Variants in RABGAP1L observed in about 807,000 individuals in gnomAD.
RABGAP1L encodes the protein RAB GTPase activating protein 1 like.
Under a neutral mutation model 137.7 loss-of-function variants are expected in RABGAP1L, and 63 were observed. The observed-to-expected ratio is 0.46, with a 90% CI of 0.37 to 0.56. The LOEUF is 0.56. RABGAP1L is among the 20% of genes least tolerant of loss of function. The probability of loss-of-function intolerance (pLI) is 0.00; values close to 1 mark genes in which losing one functional copy is unlikely to be tolerated. For synonymous variants in RABGAP1L, 431 were observed against 433.7 expected (o/e 0.99, Z 0.08); for missense variants, 1,095 against 1,244.0 (o/e 0.88, Z 1.80).
At chr1:174,946,980 G>GTATATA (rs1553291102) in intron 19 of RABGAP1L, among the ~76,000 whole-genome samples, 36 of 78,206 alleles carry the variant, frequency 4.6e-4, no homozygotes, top group Middle Eastern at 6.3e-3. Flanking sequence ...GTGTGTGTGT[G>GTATATA]TATATATATG....
At chr1:174,280,257 G>A (rs955101612) in intron 10 of RABGAP1L, among the ~76,000 whole-genome samples, 1 of 152,054 alleles carries the variant, frequency 6.6e-6, no homozygotes, top group Admixed American at 6.5e-5. Flanking sequence ...TGGAGATGTT[G>A]GTCTACACTA....
intron 13 of RABGAP1L, among the ~76,000 whole-genome samples, chr1:174,402,979 G>C (rs1476930747): frequency 6.6e-6 from 1 of 152,140 alleles, no homozygotes; most frequent in East Asian, 1.9e-4. Flanking sequence ...TATCATATCT[G>C]CTGGTTTATA....
chr1:174,422,144 C>T (rs1382775970), intron 13 of RABGAP1L, among the ~76,000 whole-genome samples: 1 of 152,172 alleles, frequency 6.6e-6, no homozygotes, highest in Non-Finnish European at 1.5e-5. Context: ...GGTACCCGTA[C>T]TTAGAAAGAT....
chr1:174,642,125 A>T (rs962222007), intron 14 of RABGAP1L, among the ~76,000 whole-genome samples: 1 of 152,150 alleles, frequency 6.6e-6, no homozygotes. Context: ...ATTTGTGCAT[A>T]TTGCTTTTTC....
chr1:174,511,228 T>G (rs1457345408), intron 13 of RABGAP1L, among the ~76,000 whole-genome samples: 1 of 152,162 alleles, frequency 6.6e-6, no homozygotes, highest in Non-Finnish European at 1.5e-5. Context: ...AATGTGTCTA[T>G]AAGGTACATA....
intron 11 of RABGAP1L, among the ~76,000 whole-genome samples, chr1:174,360,109 T>C (rs975419577): frequency 4.6e-5 from 7 of 152,208 alleles, no homozygotes; most frequent in African/African-American, 1.7e-4. Context: ...CTAATATCCT[T>C]TTGTAGTGGA....
chr1:174,612,724 C>G (rs576975518), intron 13 of RABGAP1L, among the ~76,000 whole-genome samples: 4,580 of 152,306 alleles, frequency 0.03, 117 homozygotes, highest in Middle Eastern at 0.092. Context: ...ATTATTGCCA[C>G]AATTTCAGAG....
chr1:174,564,739 C>T (rs1180326157), intron 13 of RABGAP1L, among the ~76,000 whole-genome samples: 1 of 152,106 alleles, frequency 6.6e-6, no homozygotes, highest in African/African-American at 2.4e-5. Context: ...GAGATGTCAA[C>T]TTCAGAGATG....
intron 18 of RABGAP1L, among the ~76,000 whole-genome samples, chr1:174,807,883 G>A (rs1689462255): frequency 6.6e-6 from 1 of 151,814 alleles, no homozygotes; most frequent in African/African-American, 2.4e-5. Context: ...GACTGCTTAA[G>A]GCCAGGAGTT....
chr1:174,345,471 T>C (rs1682351177), intron 11 of RABGAP1L, among the ~76,000 whole-genome samples: 2 of 152,184 alleles, frequency 1.3e-5, no homozygotes, highest in Non-Finnish European at 1.5e-5. Flanking sequence ...CTTTCATCAG[T>C]ATTTTATAGT....
intron 13 of RABGAP1L, among the ~76,000 whole-genome samples, chr1:174,486,243 T>C (rs1179147999): frequency 2.1e-5 from 3 of 144,432 alleles, no homozygotes; most frequent in Non-Finnish European, 4.5e-5. Flanking sequence ...TTTTTTTGTC[T>C]GGCTAAATGT....
chr1:174,917,130 G>A (rs1447390876), intron 19 of RABGAP1L, among the ~76,000 whole-genome samples: 2 of 152,060 alleles, frequency 1.3e-5, no homozygotes, highest in Non-Finnish European at 2.9e-5. Flanking sequence ...CCACCCTCAT[G>A]ACTTTATCAA....
At chr1:174,237,499 G>A (rs377374471) in intron 4 of RABGAP1L, among the ~76,000 whole-genome samples, 1 of 67,804 alleles carries the variant, frequency 1.5e-5, no homozygotes, top group Non-Finnish European at 2.9e-5. Context: ...TTGCTTGTCT[G>A]TAAAGTATTT....
intron 12 of RABGAP1L, among the ~76,000 whole-genome samples, chr1:174,382,967 C>T (rs372043285): frequency 0.19 from 28,268 of 145,664 alleles, 2,714 homozygotes; most frequent in Admixed American, 0.23. Context: ...GATGGGTTTT[C>T]GGTGTGGATG....
chr1:174,363,159 G>A (rs1684292719), intron 11 of RABGAP1L, among the ~76,000 whole-genome samples: 1 of 152,146 alleles, frequency 6.6e-6, no homozygotes, highest in Non-Finnish European at 1.5e-5. Context: ...TCTTATATCA[G>A]TGCCATGCTG....
At chr1:174,635,998 T>G (rs1231243378) in intron 13 of RABGAP1L, among the ~76,000 whole-genome samples, 2 of 152,210 alleles carry the variant, frequency 1.3e-5, no homozygotes, top group African/African-American at 4.8e-5. Flanking sequence ...AAATAAGACA[T>G]TAAGCAATTC....
chr1:174,635,616 T>C (rs1029301355), intron 13 of RABGAP1L, among the ~76,000 whole-genome samples: 3 of 151,014 alleles, frequency 2.0e-5, no homozygotes, highest in Admixed American at 6.6e-5. Flanking sequence ...TGTATCCTTT[T>C]ACTGAAGTTA....
At chr1:174,230,514 G>A (rs766383190) in intron 3 of RABGAP1L, among the ~76,000 whole-genome samples, 4 of 152,148 alleles carry the variant, frequency 2.6e-5, no homozygotes, top group Non-Finnish European at 2.9e-5. Flanking sequence ...GACATTGTGA[G>A]GATGAGATTT....
intron 18 of RABGAP1L, chr1:174,800,566 A>G (rs1019581654): frequency 6.6e-6 from 10 of 1,513,186 alleles, no homozygotes; most frequent in Non-Finnish European, 8.9e-6. Context: ...AATTCCTTGT[A>G]TCTCTGAAAG....
Sources: allele counts gnomAD v4.1 joint callset (sites outside exome capture counted in the v4.1 genomes callset), GRCh38; gene constraint gnomAD v4.1.1; transcripts MANE v1.5; gene names NCBI Gene and HGNC (gene_info 2026-07-23, HGNC 2026-07-21).